VPS26C: variants seen among roughly 807,000 people sequenced by gnomAD.
VPS26C encodes VPS26 endosomal protein sorting factor C, also known as vacuolar protein sorting-associated protein 26C.
A neutral mutation model predicts 30.6 loss-of-function variants in VPS26C; 19 were observed. That is an observed-to-expected ratio of 0.62 (90% CI 0.43 to 0.91). The LOEUF is 0.91. Among genes scored for constraint, VPS26C ranks in the 40% least tolerant of loss-of-function variants. The pLI is 0.00. For synonymous variants in VPS26C, 132 were observed against 151.5 expected (o/e 0.87, Z 0.95); for missense variants, 318 against 385.1 (o/e 0.83, Z 1.46).
intron 1 of VPS26C, chr21:37,261,748 A>G (rs1277388438): frequency 6.6e-6 from 1 of 152,104 alleles, no homozygotes; most frequent in Non-Finnish European, 1.5e-5. Context: ...CAGACTTGGC[A>G]GTGAAGCATT....
At position 37,255,564 on chromosome 21, in the gene VPS26C, G is replaced by A. The variant is rs1212122932; in HGVS notation, c.57+11674C>T. The stretch of plus-strand genomic sequence containing the variant: ...TTCTGTCTGAGCATCAGTAATCCAG[G>A]GTCAGGACAGCTTGTTCCTATCAGA... On this transcript the variant is annotated intron_variant, in intron 1 of 7. Transcript: ENST00000309117. 3.9e-5 allele frequency among the ~76,000 whole-genome samples: 6 copies of A among 152,044 alleles called. No homozygotes were observed. In the East Asian group the frequency reaches 1.2e-3, roughly 29 times the overall value.
intron 5 of VPS26C, 183 bp from the exon 6 acceptor site, chr21:37,228,556 A>T (rs2085929078): frequency 1.7e-6 from 1 of 599,320 alleles, no homozygotes; most frequent in Non-Finnish European, 2.9e-6. Flanking sequence ...CGGCTGAATT[A>T]TTCAACGACT....
intron 3 of VPS26C, chr21:37,237,410 T>C (rs1045029190): frequency 1.3e-5 from 2 of 152,210 alleles, no homozygotes; most frequent in Non-Finnish European, 2.9e-5. Context: ...TCAGTTTCTT[T>C]CAGGGTGGAA....
chr21:37,248,879 A>G lies in VPS26C; in HGVS notation c.58-8240T>C, dbSNP rs777878529. ...ATATTAGCAAATGCAATCCAGTAGC[A>G]ACTTAAAACAACACTATACATAACC... On this transcript the variant is annotated intron_variant, in intron 1 of 7. Transcript: ENST00000309117. Among the ~76,000 whole-genome samples, 126 of 152,182 alleles carry G rather than the reference A, an allele frequency of 8.3e-4. 1 individual carries two copies. The highest frequency in any genetic ancestry group is 1.3e-3 in the Non-Finnish European group (89 of 68,026).
chr21:37,242,910 C>A (rs2086101996), intron 1 of VPS26C, among the ~76,000 whole-genome samples: 1 of 152,064 alleles, frequency 6.6e-6, no homozygotes, highest in Non-Finnish European at 1.5e-5. Flanking sequence ...ACTCGAGACA[C>A]AATATAGTAC....
chr21:37,263,744 G>A (rs571525161), intron 1 of VPS26C, among the ~76,000 whole-genome samples: 1 of 152,298 alleles, frequency 6.6e-6, no homozygotes, highest in Admixed American at 6.5e-5. Flanking sequence ...GTCACCTCAA[G>A]CAACCCATAA....
chr21:37,257,153 AC>A lies in VPS26C; in HGVS notation c.57+10084del, dbSNP rs986874956. ...TCTCAAAAAAACAAAACACAAAAAAACAAACAAAAAAAAGCAAATATATGTA... is the reference window on the plus strand; with the variant it reads ...TCTCAAAAAAACAAAACACAAAAAAAAAACAAAAAAAAGCAAATATATGTA... On this transcript the variant is annotated intron_variant, in intron 1 of 7. Transcript: ENST00000309117. The surrounding 1 kb of genome is among the most constrained non-coding windows in gnomAD (Gnocchi z 4.2). 6.6e-5 allele frequency among the ~76,000 whole-genome samples: 10 copies of A among 152,302 alleles called. No individual in the cohort carries two copies. Among genetic ancestry groups the A allele is most frequent in the South Asian group, 2.1e-4 (1 of 4,828 alleles).
chr21:37,232,334 C>A (rs763837900), intron 5 of VPS26C, 43 bp downstream of exon 5: 4 of 1,571,846 alleles, frequency 2.5e-6, no homozygotes, highest in Non-Finnish European at 3.5e-6. Flanking sequence ...GGTCTGGCTG[C>A]TGGGAAGATA....
intron 1 of VPS26C, among the ~76,000 whole-genome samples, chr21:37,255,350 A>C (rs1417322647): frequency 6.6e-6 from 1 of 152,212 alleles, no homozygotes; most frequent in Admixed American, 6.5e-5. Flanking sequence ...GGCTGAAATC[A>C]TGCCTGGCAT....
intron 1 of VPS26C, 130 bp from the exon 2 acceptor site, chr21:37,240,769 T>G: frequency 2.4e-6 from 3 of 1,229,680 alleles, no homozygotes; most frequent in Non-Finnish European, 3.3e-6. Context: ...GACACCTGGA[T>G]ACCAGGGTGG....
chr21:37,225,558 G>A lies in VPS26C; in HGVS notation c.880C>T (p.Leu294Phe), dbSNP rs2085889859. Residue 294 changes from leucine (L) to phenylalanine (F), a missense_variant, in exon 8 of 8, where the codon CTC (leucine) becomes TTC (phenylalanine). Leu to Phe is a conservative substitution (Grantham distance 22). Coordinates refer to ENST00000309117, the MANE Select transcript of VPS26C (RefSeq NM_006052.2). ...CCTCCTCCGGGCTATATCCTGCAGA[G>A]CTTCAGCGGGAAGTTCTCCGTGATG... ...HLITENFPLKLCRI is the reference protein window; with the variant it reads ...HLITENFPLKFCRI 6.2e-7 allele frequency: 1 copy of A among 1,613,890 alleles called. No homozygotes were observed. The highest frequency in any genetic ancestry group is 1.3e-5 in the African/African-American group (1 of 74,908).
intron 5 of VPS26C, 42 bp downstream of exon 5, chr21:37,232,335 T>A (rs2085973786): frequency 6.3e-7 from 1 of 1,576,694 alleles, no homozygotes. Flanking sequence ...GTCTGGCTGC[T>A]GGGAAGATAC....
chr21:37,249,114 G>A (rs2086166891), intron 1 of VPS26C, among the ~76,000 whole-genome samples: 2 of 152,102 alleles, frequency 1.3e-5, no homozygotes, highest in South Asian at 4.1e-4. Flanking sequence ...CCCAAAGCCA[G>A]CATCAAACTT....
intron 1 of VPS26C, among the ~76,000 whole-genome samples, chr21:37,265,395 A>G (rs927815118): frequency 2.6e-5 from 4 of 152,182 alleles, no homozygotes; most frequent in African/African-American, 4.8e-5. Flanking sequence ...TTTCTCCTAT[A>G]CACATATGTG....
At chr21:37,252,283 C>T (rs956755172) in intron 1 of VPS26C, among the ~76,000 whole-genome samples, 1 of 152,122 alleles carries the variant, frequency 6.6e-6, no homozygotes, top group Non-Finnish European at 1.5e-5. Flanking sequence ...GATTAGAAAG[C>T]GGAAATCAGA....
intron 1 of VPS26C, among the ~76,000 whole-genome samples, 157 bp from the exon 2 acceptor site, chr21:37,240,796 G>T (rs1017318438): frequency 6.6e-6 from 1 of 152,220 alleles, no homozygotes; most frequent in Non-Finnish European, 1.5e-5. Flanking sequence ...CCCAGGTCCT[G>T]GTAGGGGACA....
intron 3 of VPS26C, among the ~76,000 whole-genome samples, chr21:37,236,831 TA>T (rs1602269372): frequency 6.6e-6 from 1 of 152,206 alleles, no homozygotes; most frequent in African/African-American, 2.4e-5. Flanking sequence ...AAGACGAGGG[TA>T]GGGGCAATTA....
intron 3 of VPS26C, among the ~76,000 whole-genome samples, chr21:37,237,220 C>A (rs1395801258): frequency 6.6e-6 from 1 of 152,190 alleles, no homozygotes; most frequent in Middle Eastern, 3.2e-3. Flanking sequence ...AATATGATCA[C>A]TGAAAACGTG....
chr21:37,238,380 A>G (rs1602270430), intron 3 of VPS26C, 80 bp downstream of exon 3: 3 of 1,511,690 alleles, frequency 2.0e-6, no homozygotes, highest in South Asian at 1.3e-5. Context: ...GGGCCCGTCT[A>G]CTAACGTTGA....
Sources: allele counts gnomAD v4.1 joint callset (sites outside exome capture counted in the v4.1 genomes callset), GRCh38; gene constraint gnomAD v4.1.1; non-coding constraint Gnocchi (gnomAD v3.1); transcripts MANE v1.5; gene names NCBI Gene and HGNC (gene_info 2026-07-23, HGNC 2026-07-21).